Variants in ZNF592 observed in about 807,000 individuals in gnomAD.
ZNF592 encodes the protein spinocerebellar ataxia, autosomal recessive 5.
ZNF592 carries 11 observed loss-of-function variants against 80.3 expected under a neutral mutation model. The observed-to-expected ratio is 0.14, with a 90% CI of 0.09 to 0.23. The LOEUF (loss-of-function observed/expected upper bound fraction) is 0.23, where lower values mean the gene tolerates loss of function less well. Among genes scored for constraint, ZNF592 ranks in the 10% least tolerant of loss-of-function variants. The probability of loss-of-function intolerance (pLI) is 1.00; values close to 1 mark genes in which losing one functional copy is unlikely to be tolerated. For missense variants in ZNF592, 1,420 were observed against 1,633.9 expected, an observed-to-expected ratio of 0.87 and a Z score of 2.26; for synonymous variants, 646 against 640.3, an observed-to-expected ratio of 1.01 and a Z score of -0.13.
chr15:84,788,032 C>T (rs1962638161), intron 4 of ZNF592, among the ~76,000 whole-genome samples: 1 of 152,118 alleles, frequency 6.6e-6, no homozygotes, highest in African/African-American at 2.4e-5. Context: ...CTGATTACTT[C>T]CTCATGCAGG....
chr15:84,789,659 A>G (rs1435309058), intron 4 of ZNF592, among the ~76,000 whole-genome samples: 1 of 152,206 alleles, frequency 6.6e-6, no homozygotes, highest in East Asian at 1.9e-4. Context: ...CTATTAGTTT[A>G]AATGTTGTCA....
chr15:84,783,696 A>G lies in ZNF592; in HGVS notation c.1021A>G (p.Lys341Glu), dbSNP rs1962492820. 3 of 1,614,106 alleles carry G rather than the reference A, an allele frequency of 1.9e-6. No homozygotes were observed. Among genetic ancestry groups the G allele is most frequent in the African/African-American group, 2.7e-5 (2 of 74,934 alleles). ...CCGGAGCCCTCTGGAGGCCACTAGA[A>G]AAAGTATCAAGCCATCGGACAGCCC... ...SPRSPLEATR[K>E]SIKPSDSPRS... Residue 341 changes from lysine to glutamate, a missense_variant, in exon 4 of 11, where the codon AAA (lysine) becomes GAA (glutamate). Lys to Glu is a moderately conservative substitution (Grantham distance 56, BLOSUM62 1). Coordinates refer to ENST00000560079, the MANE Select transcript of ZNF592 (RefSeq NM_014630.3). This position sits in a 1 kb window ranked among gnomAD's most constrained non-coding sequence, Gnocchi z 5.0.
intron 3 of ZNF592, among the ~76,000 whole-genome samples, chr15:84,780,342 T>C (rs180706914): frequency 6.6e-6 from 1 of 152,300 alleles, no homozygotes; most frequent in Non-Finnish European, 1.5e-5. Context: ...AAGAAGCTTA[T>C]AAAGCAAATA....
At chr15:84,786,841 CTTTTTT>C (rs35391255) in intron 4 of ZNF592, among the ~76,000 whole-genome samples, 5 of 70,818 alleles carry the variant, frequency 7.1e-5, no homozygotes, top group African/African-American at 1.2e-4. Context: ...CCTTACGTAT[CTTTTTT>C]TTTTTTTTTT....
intron 5 of ZNF592, among the ~76,000 whole-genome samples, chr15:84,793,272 TCA>T (rs1962802785): frequency 6.6e-6 from 1 of 152,084 alleles, no homozygotes; most frequent in African/African-American, 2.4e-5. Flanking sequence ...AGATGGGGTT[TCA>T]CCATGATGGC....
In ZNF592 at chr15:84,753,169, C is replaced by T. The variant is rs1022272698; in HGVS notation, c.-259+4505C>T. 5.3e-5 allele frequency: 8 copies of T among 152,130 alleles called. No homozygotes were observed. The South Asian group carries it at 1.0e-3, about 20-fold the overall frequency. 9.4% of individuals were successfully genotyped at this position (152,130 alleles called of 1,614,324 possible). ...TATTTGTGAAACTTAAGGAATGGGACGAGTAATAGAAATAAAATATCAGAA... is the reference window on the plus strand; with the variant it reads ...TATTTGTGAAACTTAAGGAATGGGATGAGTAATAGAAATAAAATATCAGAA... On this transcript the variant is annotated intron_variant, in intron 1 of 10. Transcript: ENST00000560079.
Position 84,779,229 on chromosome 15 carries a change from C to T in ZNF592, c.-20+917C>T, listed in dbSNP as rs1417424934. ...TTTTAACTTTGTGCTGGCAGGTTTT[C>T]GGTAAATAGAACTTTTTTATTGGTT... On this transcript the variant is annotated intron_variant, in intron 3 of 10. Transcript: ENST00000560079. 3.9e-5 allele frequency among the ~76,000 whole-genome samples: 6 copies of T among 152,120 alleles called. 1 individual carries two copies. Among genetic ancestry groups the T allele is most frequent in the Non-Finnish European group, 5.9e-5 (4 of 68,008 alleles).
chr15:84,794,215 A>T (rs1362560248), intron 5 of ZNF592, among the ~76,000 whole-genome samples: 4 of 152,216 alleles, frequency 2.6e-5, no homozygotes, highest in Admixed American at 6.5e-5. Flanking sequence ...CATTCTGCAC[A>T]TGTATCCCCA....
In ZNF592 at chr15:84,799,971, C is replaced by G. The variant is rs750536328; in HGVS notation, c.3267C>G (p.Ser1089=). 1 of 1,614,214 alleles carries G rather than the reference C, an allele frequency of 6.2e-7. No homozygotes were observed. The change falls in exon 10 of 11, where the codon TCC becomes TCG. Residue 1089 remains serine, a synonymous_variant. Transcript: ENST00000560079. This position sits in a 1 kb window ranked among gnomAD's most constrained non-coding sequence, Gnocchi z 4.2. ...AAGTGAAACCTCCGGGTGGACATTC[C>G]CCTCAGGTGAGTGTGGGCTCCCTGC... ...TSKVKPPGGH[S]PQVNHLKRPV...
intron 1 of ZNF592, among the ~76,000 whole-genome samples, chr15:84,757,893 C>T (rs1221816828): frequency 6.6e-6 from 1 of 150,864 alleles, no homozygotes; most frequent in African/African-American, 2.4e-5. Context: ...AACTCCTGAG[C>T]TCAGGCAGTC....
rs200957448 is a variant in ZNF592, at chr15:84,797,966, C to G, written c.2497C>G (p.Pro833Ala). 3.0e-5 allele frequency: 49 copies of G among 1,614,104 alleles called. No individual in the cohort carries two copies. Among genetic ancestry groups the G allele is most frequent in the Admixed American group, 3.3e-5 (2 of 60,014 alleles). ...GGTTTTCCACAAATGTGCATTCTGCCCCATGGCCTTCAAGACTGCCAGCAG... is the reference window on the plus strand; with the variant it reads ...GGTTTTCCACAAATGTGCATTCTGCGCCATGGCCTTCAAGACTGCCAGCAG... ...CQVFHKCAFC[P>A]MAFKTASSTA... Residue 833 changes from proline (P) to alanine (A), a missense_variant, in exon 6 of 11, where the codon CCC becomes GCC. Around this residue, in one of 7 missense-constraint regions of ZNF592, gnomAD observed 331 missense variants for 347.0 expected, o/e 0.95. Transcript: ENST00000560079.
In ZNF592 at chr15:84,764,807, C is replaced by T. The variant is rs1170768268; in HGVS notation, c.-158C>T. ...CTCGCCACACCCTTGTTTTGAGATC[C>T]TCTCTAAGGTATGATGTCTAGGCTG... is the stretch of plus-strand genomic sequence containing the variant. On this transcript the variant is annotated 5_prime_UTR_variant, in exon 2 of 11. Coordinates refer to ENST00000560079, the MANE Select transcript of ZNF592 (RefSeq NM_014630.3). The T allele has an allele frequency of 1.0e-5, 4 of 398,804 alleles. No individual in the cohort carries two copies. Among genetic ancestry groups the T allele is most frequent in the African/African-American group, 2.1e-5 (1 of 48,562 alleles). The allele number at this position is 398,804 out of a possible 1,614,324, so 24.7% of individuals were successfully genotyped here.
At chr15:84,769,121 A>G (rs1437607197) in intron 2 of ZNF592, among the ~76,000 whole-genome samples, 1 of 152,022 alleles carries the variant, frequency 6.6e-6, no homozygotes, top group Non-Finnish European at 1.5e-5. Flanking sequence ...TTGTATTTTT[A>G]GTAGAGACAG....
intron 1 of ZNF592, among the ~76,000 whole-genome samples, chr15:84,751,650 A>G (rs1490934953): frequency 6.6e-6 from 1 of 151,122 alleles, no homozygotes; most frequent in Non-Finnish European, 1.5e-5. Context: ...CATGTCTGTA[A>G]TCCCAGCACT....
At chr15:84,764,650 TC>T (rs1301002123) in intron 1 of ZNF592, 56 bp from the exon 2 acceptor site, 1 of 398,124 alleles carries the variant, frequency 2.5e-6, no homozygotes, top group African/African-American at 2.1e-5. Flanking sequence ...CTTTCCTTAC[TC>T]TAACACTTAC....
rs1962475087 is a variant in ZNF592 at position 84,783,271 on chromosome 15, A to G, written c.596A>G (p.His199Arg). The change falls in exon 4 of 11, where the codon CAT becomes CGT. Residue 199 changes from histidine to arginine, a missense_variant. His to Arg is a conservative substitution (Grantham distance 29, BLOSUM62 0). Coordinates refer to ENST00000560079, the MANE Select transcript of ZNF592 (RefSeq NM_014630.3). The surrounding 1 kb of genome is among the most constrained non-coding windows in gnomAD (Gnocchi z 5.0). The stretch of plus-strand genomic sequence containing the variant: ...GTTCCAGAGCTGCATATGTTTGATC[A>G]TTTTTGTAAGAAAGAACCCAAGCCA... ...FPVPELHMFDHFCKKEPKPEP... is the reference protein window; with the variant it reads ...FPVPELHMFDRFCKKEPKPEP... 6.2e-7 allele frequency: 1 copy of G among 1,614,074 alleles called. No individual in the cohort carries two copies. The highest frequency in any genetic ancestry group is 8.5e-7 in the Non-Finnish European group (1 of 1,180,052).
chr15:84,778,887 T>C (rs556494982), intron 3 of ZNF592, among the ~76,000 whole-genome samples: 5 of 152,328 alleles, frequency 3.3e-5, no homozygotes, highest in African/African-American at 1.2e-4. Flanking sequence ...AGTCTGATGA[T>C]TGAATTTCTT....
intron 1 of ZNF592, among the ~76,000 whole-genome samples, chr15:84,757,011 G>C (rs1231724817): frequency 6.6e-6 from 1 of 152,198 alleles, no homozygotes; most frequent in East Asian, 1.9e-4. Context: ...TACTTGGGAG[G>C]CTGAGGTGGG....
chr15:84,779,993 T>TG (rs1177168636), intron 3 of ZNF592, among the ~76,000 whole-genome samples: 1 of 150,506 alleles, frequency 6.6e-6, no homozygotes, highest in Non-Finnish European at 1.5e-5. Context: ...AGTTTTGTTT[T>TG]TTTTTTTTTT....
Sources: allele counts gnomAD v4.1 joint callset (sites outside exome capture counted in the v4.1 genomes callset), GRCh38; gene constraint gnomAD v4.1.1; regional missense constraint gnomAD v4.1.1; non-coding constraint Gnocchi (gnomAD v3.1); transcripts MANE v1.5; gene names NCBI Gene and HGNC (gene_info 2026-07-23, HGNC 2026-07-21).